Variants in SYNE3 observed in about 807,000 individuals in gnomAD.
SYNE3 encodes the protein nesprin-3.
A neutral mutation model predicts 111.2 loss-of-function variants in SYNE3; 100 were observed. The ratio of observed to expected loss-of-function variants is 0.90; its 90% CI spans 0.77 to 1.06. The LOEUF (loss-of-function observed/expected upper bound fraction) is 1.06. SYNE3 is among the 50% of genes least tolerant of loss of function. The pLI is 0.00. For missense variants in SYNE3, 1,160 were observed against 1,240.3 expected (o/e 0.94, Z 0.97); for synonymous variants, 547 against 533.9 (o/e 1.02, Z -0.34).
intron 2 of SYNE3, among the ~76,000 whole-genome samples, chr14:95,473,576 G>T (rs553989891): frequency 6.6e-6 from 1 of 152,264 alleles, no homozygotes; most frequent in Non-Finnish European, 1.5e-5. Context: ...CTTGGCGGTG[G>T]AAGGTCTACG....
At chr14:95,515,427 C>T (rs565229838) in intron 1 of SYNE3, among the ~76,000 whole-genome samples, 1 of 152,334 alleles carries the variant, frequency 6.6e-6, no homozygotes, top group Admixed American at 6.5e-5. Flanking sequence ...GAAGTGCAGG[C>T]GGCAAGCCCA....
intron 13 of SYNE3, 110 bp from the exon 14 acceptor site, chr14:95,439,272 A>C: frequency 1.3e-6 from 2 of 1,495,096 alleles, no homozygotes; most frequent in Non-Finnish European, 1.8e-6. Context: ...AGTGCCCCCC[A>C]CTGAAGTTTG....
Position 95,466,254 on chromosome 14 carries a change from G to A in SYNE3, c.318-14C>T, listed in dbSNP as rs760754345. ...CACTCGATGCGGCTGTGGGCACAGA[G>A]ACCTCAAGGTTGTGAGGGAACCAGC... On this transcript the variant is annotated splice_polypyrimidine_tract_variant and intron_variant, in intron 3 of 17. Transcript: ENST00000682763. 5 of 1,550,422 alleles carry A rather than the reference G, an allele frequency of 3.2e-6. No homozygotes were observed. In the African/African-American group the frequency reaches 4.0e-5, roughly 13 times the overall value.
At chr14:95,467,671 G>T in intron 3 of SYNE3, 124 bp downstream of exon 3, 1 of 1,215,834 alleles carries the variant, frequency 8.2e-7, no homozygotes, top group Non-Finnish European at 1.1e-6. Flanking sequence ...AATCCCAAGA[G>T]AATATCCTGT....
chr14:95,485,528 G>A lies in SYNE3; in HGVS notation c.-14-9693C>T, dbSNP rs536803310. ...ACGCCCTAACCTACAGGTGCTAGGAGCTCTGCAACCCCACCTTCTGATGGC... is the reference window on the plus strand; with the variant it reads ...ACGCCCTAACCTACAGGTGCTAGGAACTCTGCAACCCCACCTTCTGATGGC... On this transcript the variant is annotated intron_variant, in intron 1 of 17. Transcript: ENST00000682763. The surrounding 1 kb of genome is among the most constrained non-coding windows in gnomAD (Gnocchi z 4.3). Among the ~76,000 whole-genome samples, 1 of 152,234 alleles carries A rather than the reference G, an allele frequency of 6.6e-6. No homozygotes were observed. Among genetic ancestry groups the A allele is most frequent in the South Asian group, 2.1e-4 (1 of 4,824 alleles).
intron 15 of SYNE3, among the ~76,000 whole-genome samples, chr14:95,434,650 T>A (rs554484408): frequency 4.1e-4 from 50 of 123,130 alleles, no homozygotes; most frequent in African/African-American, 1.8e-3. Context: ...AGGAAAAGAT[T>A]ATCCTAAATC....
intron 2 of SYNE3, among the ~76,000 whole-genome samples, chr14:95,469,951 G>C (rs937817757): frequency 6.6e-6 from 1 of 152,166 alleles, no homozygotes; most frequent in African/African-American, 2.4e-5. Context: ...TTATCAAAGA[G>C]TGAGGCAAAC....
At position 95,452,214 on chromosome 14, in the gene SYNE3, C is replaced by T. The variant is rs754838053; in HGVS notation, c.1274+33G>A. 1.5e-5 allele frequency: 24 copies of T among 1,555,678 alleles called. No homozygotes were observed. The South Asian group carries it at 2.4e-4, about 15-fold the overall frequency. On this transcript the variant is annotated intron_variant, in intron 7 of 17. Coordinates refer to ENST00000682763, the MANE Select transcript of SYNE3 (RefSeq NM_152592.6). ...GGGGAAATGTGGGTTCCAGCACACC[C>T]TGAGTCCCACCACCCTTGGCCTTCC...
chr14:95,442,496 A>G (rs11160248), intron 11 of SYNE3, among the ~76,000 whole-genome samples: 81,634 of 151,876 alleles, frequency 0.54, 22,264 homozygotes, highest in East Asian at 0.77. Context: ...AGGTGTGAGC[A>G]CCAGAGACCC....
At chr14:95,440,512 T>C (rs1886357828) in intron 11 of SYNE3, among the ~76,000 whole-genome samples, 1 of 152,144 alleles carries the variant, frequency 6.6e-6, no homozygotes, top group South Asian at 2.1e-4. Flanking sequence ...AGCCCCAAGT[T>C]GGAAACTATC....
chr14:95,459,408 TA>T (rs1470890900), intron 4 of SYNE3, among the ~76,000 whole-genome samples: 1 of 151,724 alleles, frequency 6.6e-6, no homozygotes, highest in South Asian at 2.1e-4. Context: ...AAAAAATCAA[TA>T]AAAACATTAG....
intron 1 of SYNE3, among the ~76,000 whole-genome samples, chr14:95,478,599 G>A (rs960954089): frequency 2.0e-5 from 3 of 152,176 alleles, no homozygotes; most frequent in South Asian, 4.1e-4. Flanking sequence ...TTGCACAGGC[G>A]CTGGTCACTC....
intron 17 of SYNE3, among the ~76,000 whole-genome samples, chr14:95,425,364 T>G (rs1205875350): frequency 6.6e-6 from 1 of 152,182 alleles, no homozygotes; most frequent in Non-Finnish European, 1.5e-5. Flanking sequence ...GCATAGTGTA[T>G]GAATCCAGCC....
At position 95,485,500 on chromosome 14, in the gene SYNE3, A is replaced by G. The variant is rs946073641; in HGVS notation, c.-14-9665T>C. On this transcript the variant is annotated intron_variant, in intron 1 of 17. Coordinates refer to ENST00000682763, the MANE Select transcript of SYNE3 (RefSeq NM_152592.6). This position sits in a 1 kb window ranked among gnomAD's most constrained non-coding sequence, Gnocchi z 4.3. ...AGTCGGCTGCTCCCCGACCAAAGACAGGACGCCCTAACCTACAGGTGCTAG... is the reference window on the plus strand; with the variant it reads ...AGTCGGCTGCTCCCCGACCAAAGACGGGACGCCCTAACCTACAGGTGCTAG... Among the ~76,000 whole-genome samples, 1 of 152,158 alleles carries G rather than the reference A, an allele frequency of 6.6e-6. No individual in the cohort carries two copies. Among genetic ancestry groups the G allele is most frequent in the African/African-American group, 2.4e-5 (1 of 41,426 alleles).
At chr14:95,469,267 T>G (rs1888377676) in intron 2 of SYNE3, among the ~76,000 whole-genome samples, 1 of 152,124 alleles carries the variant, frequency 6.6e-6, no homozygotes, top group Non-Finnish European at 1.5e-5. Context: ...GCTCCTGCCA[T>G]GTGGAATGCT....
intron 1 of SYNE3, among the ~76,000 whole-genome samples, chr14:95,479,622 G>A (rs187400270): frequency 1.4e-3 from 209 of 152,264 alleles, no homozygotes; most frequent in Non-Finnish European, 2.2e-3. Flanking sequence ...CAGACCAAGT[G>A]TGGCTCTGGC....
chr14:95,459,089 C>A (rs1358001087), intron 4 of SYNE3, among the ~76,000 whole-genome samples: 1 of 152,180 alleles, frequency 6.6e-6, no homozygotes, highest in Non-Finnish European at 1.5e-5. Context: ...TTTAGCTTGG[C>A]CTGCCATATG....
chr14:95,439,782 C>T lies in SYNE3; in HGVS notation c.2076G>A (p.Arg692=). The T allele has an allele frequency of 3.7e-6, 6 of 1,611,338 alleles. No homozygotes were observed. Among genetic ancestry groups the T allele is most frequent in the East Asian group, 2.2e-5 (1 of 44,870 alleles). Reference sequence around the variant, plus strand: ...CCTTCTCCGGGAATTCTGCCACCAGCCTCTAAAGGACACACGGACACACAG... The same window carrying T: ...CCTTCTCCGGGAATTCTGCCACCAGTCTCTAAAGGACACACGGACACACAG... The part of the protein sequence containing the change: ...DAESQEAEFE[R]LVAEFPEKEA... The change falls in exon 13 of 18, where the codon AGG becomes AGA. Residue 692 remains arginine (R), a splice_region_variant and synonymous_variant. Transcript: ENST00000682763.
Position 95,411,718 on chromosome 14 carries a change from T to C in SYNE3, c.*6108A>G, listed in dbSNP as rs4900265. The C allele has an allele frequency of 0.76, 116,281 of 152,138 alleles. 44,548 individuals carry two copies. The highest frequency in any genetic ancestry group is 0.8 in the East Asian group (4,122 of 5,160). 9.4% of individuals were successfully genotyped at this position (152,138 alleles called of 1,614,324 possible). A position where few individuals can be genotyped will look rare whatever the true frequency, so the allele number is the denominator to read the frequency against. On this transcript the variant is annotated 3_prime_UTR_variant, in exon 18 of 18. Transcript: ENST00000682763. The stretch of plus-strand genomic sequence containing the variant: ...AGACACCGGTGAAAAACACTCTGAT[T>C]ACAGAATCCAAAGGAAGCCGCTGGC...
Sources: allele counts gnomAD v4.1 joint callset (sites outside exome capture counted in the v4.1 genomes callset), GRCh38; gene constraint gnomAD v4.1.1; non-coding constraint Gnocchi (gnomAD v3.1); transcripts MANE v1.5; gene names NCBI Gene and HGNC (gene_info 2026-07-23, HGNC 2026-07-21).